PLCL2: variants seen among roughly 807,000 people sequenced by gnomAD.
PLCL2 encodes the protein inactive phospholipase C-like protein 2.
PLCL2 carries 4 observed loss-of-function variants against 79.6 expected under a neutral mutation model. That is an observed-to-expected ratio of 0.05 (90% confidence interval 0.02 to 0.11). The LOEUF (loss-of-function observed/expected upper bound fraction) is 0.11. Among genes scored for constraint, PLCL2 ranks in the 10% least tolerant of loss-of-function variants. PLCL2 has a pLI of 1.00. For missense variants in PLCL2, 895 were observed against 1,291.0 expected (o/e 0.69, Z 4.70); for synonymous variants, 484 against 457.7 (o/e 1.06, Z -0.73).
intron 1 of PLCL2, among the ~76,000 whole-genome samples, chr3:17,000,893 G>A (rs558295802): frequency 3.6e-4 from 54 of 152,004 alleles, no homozygotes; most frequent in Admixed American, 7.2e-4. Context: ...TGGATGTGCC[G>A]GTATTTCTTC....
chr3:16,926,817 G>C (rs1271607677), intron 1 of PLCL2, among the ~76,000 whole-genome samples: 1 of 151,880 alleles, frequency 6.6e-6, no homozygotes, highest in Non-Finnish European at 1.5e-5. Context: ...ATTTTTAGTA[G>C]AGACGGTTTC....
At chr3:16,965,103 T>C (rs200042566) in intron 1 of PLCL2, among the ~76,000 whole-genome samples, 40,026 of 151,002 alleles carry the variant, frequency 0.27, 5,747 homozygotes, top group East Asian at 0.55. Flanking sequence ...CCCATGCCTA[T>C]GTCCTGAATG....
chr3:16,892,800 C>T (rs938202629), intron 1 of PLCL2, among the ~76,000 whole-genome samples: 2 of 152,238 alleles, frequency 1.3e-5, no homozygotes, highest in South Asian at 4.1e-4. Context: ...TTATCATTCC[C>T]CTTACAGACA....
chr3:16,997,670 C>G (rs1376866324), intron 1 of PLCL2, among the ~76,000 whole-genome samples: 1 of 151,996 alleles, frequency 6.6e-6, no homozygotes, highest in Non-Finnish European at 1.5e-5. Context: ...TCCCAAGTAG[C>G]TGGGATTACA....
rs2064315024 is a variant in PLCL2, at chr3:17,010,984, A to G, written c.1638A>G (p.Thr546=). 5 of 1,613,868 alleles carry G rather than the reference A, an allele frequency of 3.1e-6. No individual in the cohort carries two copies. Among genetic ancestry groups the G allele is most frequent in the Non-Finnish European group, 4.2e-6 (5 of 1,179,886 alleles). ...TTTTAGGAGACAAGCTCTATACAAC[A>G]TCACCCAATGTTGAGGAATCTTATC... ...KKLLGDKLYT[T]SPNVEESYLP... Residue 546 remains threonine, a synonymous_variant, in exon 2 of 6, where the codon ACA becomes ACG. Coordinates refer to ENST00000615277, the MANE Select transcript of PLCL2 (RefSeq NM_001144382.2). The surrounding 1 kb of genome is among the most constrained non-coding windows in gnomAD (Gnocchi z 5.8).
At chr3:16,975,981 A>C (rs1294902464) in intron 1 of PLCL2, among the ~76,000 whole-genome samples, 1 of 152,136 alleles carries the variant, frequency 6.6e-6, no homozygotes, top group Non-Finnish European at 1.5e-5. Context: ...GCAGTGCCTT[A>C]ATTCCCGTTT....
chr3:16,940,731 T>G (rs2124950129), intron 1 of PLCL2, among the ~76,000 whole-genome samples: 1 of 152,348 alleles, frequency 6.6e-6, no homozygotes, highest in Admixed American at 6.5e-5. Context: ...CTGAGTGATA[T>G]CAGGCAAGTT....
intron 5 of PLCL2, among the ~76,000 whole-genome samples, chr3:17,072,755 A>C (rs1327347445): frequency 3.3e-5 from 5 of 152,110 alleles, no homozygotes. Flanking sequence ...TCCATGTTAA[A>C]AGTATTCATA....
At chr3:16,980,786 G>T (rs1435148935) in intron 1 of PLCL2, among the ~76,000 whole-genome samples, 2 of 152,220 alleles carry the variant, frequency 1.3e-5, no homozygotes, top group Non-Finnish European at 2.9e-5. Flanking sequence ...AAGGCAGGCT[G>T]CTGGGAGGTG....
intron 1 of PLCL2, among the ~76,000 whole-genome samples, chr3:16,922,907 A>G (rs1697156279): frequency 1.3e-5 from 2 of 152,288 alleles, no homozygotes; most frequent in South Asian, 4.1e-4. Context: ...AAAATAGTGC[A>G]TATGAAACCT....
chr3:17,051,118 G>T (rs1386912939), intron 4 of PLCL2, among the ~76,000 whole-genome samples: 2 of 151,146 alleles, frequency 1.3e-5, no homozygotes, highest in East Asian at 3.9e-4. Context: ...TGGAGATAGA[G>T]AATGGAAAGA....
rs139448467 is a variant in PLCL2 at position 17,089,834 on chromosome 3, C to T, written c.3306C>T (p.Thr1102=). The change falls in exon 6 of 6, where the codon ACC becomes ACT. Residue 1102 remains threonine, a synonymous_variant. Coordinates refer to ENST00000615277, the MANE Select transcript of PLCL2 (RefSeq NM_001144382.2). ...AVSCGLNKPG[T]ENADVQKPRR... is the part of the protein sequence containing the mutation. Reference sequence around the variant, plus strand: ...CATGTGGACTGAATAAACCAGGCACCGAAAATGCTGATGTCCAGAAGCCAC... The same window carrying T: ...CATGTGGACTGAATAAACCAGGCACTGAAAATGCTGATGTCCAGAAGCCAC... 8.1e-6 allele frequency: 13 copies of T among 1,613,828 alleles called. No individual in the cohort carries two copies. The highest frequency in any genetic ancestry group is 2.2e-5 in the East Asian group (1 of 44,892).
At chr3:17,029,009 A>G (rs2064549004) in intron 3 of PLCL2, among the ~76,000 whole-genome samples, 1 of 152,066 alleles carries the variant, frequency 6.6e-6, no homozygotes, top group Non-Finnish European at 1.5e-5. Flanking sequence ...TTTTATTTCC[A>G]TGCACACAAA....
chr3:16,981,845 T>C (rs1203052325), intron 1 of PLCL2, among the ~76,000 whole-genome samples: 1 of 152,242 alleles, frequency 6.6e-6, no homozygotes, highest in African/African-American at 2.4e-5. Context: ...GTGACTTTTC[T>C]GTAACAAAAA....
chr3:16,916,144 G>A (rs1003040022), intron 1 of PLCL2, among the ~76,000 whole-genome samples: 8 of 152,146 alleles, frequency 5.3e-5, no homozygotes, highest in African/African-American at 1.9e-4. Flanking sequence ...CACCAGCACG[G>A]TACAGTTGAC....
At chr3:16,937,418 G>A (rs1459449648) in intron 1 of PLCL2, among the ~76,000 whole-genome samples, 1 of 152,196 alleles carries the variant, frequency 6.6e-6, no homozygotes, top group African/African-American at 2.4e-5. Context: ...TCTCAGTTGA[G>A]TTCAGGCAAA....
Position 17,011,001 on chromosome 3 carries a change from A to G in PLCL2, c.1655A>G (p.Glu552Gly). 6.2e-7 allele frequency: 1 copy of G among 1,614,010 alleles called. No homozygotes were observed. The highest frequency in any genetic ancestry group is 8.5e-7 in the Non-Finnish European group (1 of 1,179,920). ...TATACAACATCACCCAATGTTGAGG[A>G]ATCTTATCTACCATCCCCAGATGTC... is the stretch of plus-strand genomic sequence containing the variant. ...KLYTTSPNVE[E>G]SYLPSPDVLK... The change falls in exon 2 of 6, where the codon GAA becomes GGA. Residue 552 changes from glutamate to glycine, a missense_variant. Glu to Gly is a moderately conservative substitution (Grantham distance 98, BLOSUM62 -2). This residue lies in a region of PLCL2 where 242 missense variants were observed against 399.5 expected (regional missense o/e 0.61). Coordinates refer to ENST00000615277, the MANE Select transcript of PLCL2 (RefSeq NM_001144382.2). The surrounding 1 kb of genome is among the most constrained non-coding windows in gnomAD (Gnocchi z 7.9).
Position 17,014,790 on chromosome 3 carries a change from G to A in PLCL2, c.2897G>A (p.Arg966His). 6.8e-6 allele frequency: 11 copies of A among 1,614,048 alleles called. No homozygotes were observed. The highest frequency in any genetic ancestry group is 9.3e-6 in the Non-Finnish European group (11 of 1,179,944). ...LMQCMLAVSP[R>H]FLGPDNTPLV... ...CAGTGCATGTTGGCGGTGTCTCCCC[G>A]CTTTCTGGGGCCCGATAACACACCC... The change falls in exon 3 of 6, where the codon CGC (arginine) becomes CAC (histidine). Residue 966 changes from arginine to histidine, a missense_variant. This residue lies in a region of PLCL2 where 298 missense variants were observed against 459.6 expected (regional missense o/e 0.65). Coordinates refer to ENST00000615277, the MANE Select transcript of PLCL2 (RefSeq NM_001144382.2).
Position 16,885,350 on chromosome 3 carries a change from G to C in PLCL2, c.311G>C (p.Arg104Pro), listed in dbSNP as rs915413256. Residue 104 changes from arginine (R) to proline (P), a missense_variant, in exon 1 of 6, where the codon CGG becomes CCG. Physicochemically the swap from Arg to Pro is moderately radical, Grantham distance 103 (BLOSUM62 -2). Around this residue, in one of 6 missense-constraint regions of PLCL2, gnomAD observed 110 missense variants for 42.9 expected, o/e 2.56. Transcript: ENST00000615277. ...AGCAAGCCGGGCGGCCTGCCCCGCC[G>C]GAGCAGCATCATCAAGGTAGGTGGG... Reference protein sequence around the residue: ...RESKPGGLPRRSSIIKDGTKQ... With the variant: ...RESKPGGLPRPSSIIKDGTKQ... 10 of 649,232 alleles carry C rather than the reference G, an allele frequency of 1.5e-5. No homozygotes were observed. Among genetic ancestry groups the C allele is most frequent in the Non-Finnish European group, 2.8e-5 (10 of 360,014 alleles). The allele number at this position is 649,232 out of a possible 1,614,324, so 40.2% of individuals were successfully genotyped here. A position where few individuals can be genotyped will look rare whatever the true frequency, so the allele number is the denominator to read the frequency against.
Sources: allele counts gnomAD v4.1 joint callset (sites outside exome capture counted in the v4.1 genomes callset), GRCh38; gene constraint gnomAD v4.1.1; regional missense constraint gnomAD v4.1.1; non-coding constraint Gnocchi (gnomAD v3.1); transcripts MANE v1.5; gene names NCBI Gene and HGNC (gene_info 2026-07-23, HGNC 2026-07-21).